The following MAN1C1 variants were observed in gnomAD, a reference collection of about 807,000 sequenced individuals.
The protein encoded by MAN1C1 is mannosyl-oligosaccharide 1,2-alpha-mannosidase IC.
MAN1C1 carries 49 observed loss-of-function variants against 71.5 expected under a neutral mutation model. That is an observed-to-expected ratio of 0.69 (90% confidence interval 0.54 to 0.87). The LOEUF is 0.87. MAN1C1 is among the 40% of genes least tolerant of loss of function. The pLI is 0.00. For missense variants in MAN1C1, 743 were observed against 835.0 expected, an observed-to-expected ratio of 0.89 and a Z score of 1.36; for synonymous variants, 352 against 343.7, an observed-to-expected ratio of 1.02 and a Z score of -0.27.
rs138504695 is a variant in MAN1C1 at position 25,635,053 on chromosome 1, A to G, written c.540+16716A>G. Among the ~76,000 whole-genome samples the G allele has an allele frequency of 2.9e-3, 439 of 151,804 alleles. 4 individuals are homozygous for G. The highest frequency in any genetic ancestry group is 0.01 in the African/African-American group (422 of 41,368). On this transcript the variant is annotated intron_variant, in intron 1 of 11. Transcript: ENST00000374332. ...CCCTTTGTTTTCTTTCTTTCCTGATACAGTGTCTCACTGTGTTGCCTAGGC... is the reference window on the plus strand; with the variant it reads ...CCCTTTGTTTTCTTTCTTTCCTGATGCAGTGTCTCACTGTGTTGCCTAGGC...
intron 1 of MAN1C1, among the ~76,000 whole-genome samples, chr1:25,652,585 C>T (rs946408855): frequency 2.0e-5 from 3 of 152,240 alleles, no homozygotes; most frequent in Admixed American, 1.3e-4. Flanking sequence ...GTCATCTTTT[C>T]CCCTGCCTTG....
intron 2 of MAN1C1, among the ~76,000 whole-genome samples, chr1:25,693,800 T>C (rs1376527829): frequency 6.6e-6 from 1 of 152,170 alleles, no homozygotes; most frequent in East Asian, 1.9e-4. Context: ...CTCTGCCACT[T>C]TGTAGTCTTG....
intron 1 of MAN1C1, among the ~76,000 whole-genome samples, chr1:25,633,062 T>C (rs2045407500): frequency 6.6e-6 from 1 of 152,078 alleles, no homozygotes; most frequent in Non-Finnish European, 1.5e-5. Flanking sequence ...GAGACGGGGT[T>C]TCACCATGTT....
chr1:25,707,463 A>G (rs890671843), intron 2 of MAN1C1, among the ~76,000 whole-genome samples: 2 of 152,348 alleles, frequency 1.3e-5, no homozygotes, highest in South Asian at 4.1e-4. Flanking sequence ...GGAGGAGAAA[A>G]TGCATTTGAG....
chr1:25,733,421 C>T (rs944212699), intron 2 of MAN1C1, among the ~76,000 whole-genome samples: 4 of 152,114 alleles, frequency 2.6e-5, no homozygotes, highest in Admixed American at 1.3e-4. Flanking sequence ...TGCACACAAC[C>T]TTTATCTTGG....
In MAN1C1 at chr1:25,617,125, G is replaced by T. The variant is rs1053590721; in HGVS notation, c.-673G>T. On this transcript the variant is annotated 5_prime_UTR_variant, in exon 1 of 12. Coordinates refer to ENST00000374332, the MANE Select transcript of MAN1C1 (RefSeq NM_020379.4). The surrounding 1 kb of genome is among the most constrained non-coding windows in gnomAD (Gnocchi z 5.1). ...CGGGGGAAGCCCCCTGCCCCCGCAG[G>T]CTCGGAAGTGCCTGCTCCTGCTCCC... Among the ~76,000 whole-genome samples, 2 of 151,690 alleles carry T rather than the reference G, an allele frequency of 1.3e-5. No homozygotes were observed. The highest frequency in any genetic ancestry group is 4.8e-5 in the African/African-American group (2 of 41,340).
intron 2 of MAN1C1, among the ~76,000 whole-genome samples, chr1:25,698,949 G>GAA (rs550083045): frequency 1.7e-4 from 20 of 117,340 alleles, no homozygotes; most frequent in South Asian, 5.8e-4. Flanking sequence ...CTCTGTCTTG[G>GAA]AAAAAAAAAA....
intron 1 of MAN1C1, among the ~76,000 whole-genome samples, chr1:25,663,082 C>A (rs2045873458): frequency 6.7e-6 from 1 of 148,464 alleles, no homozygotes; most frequent in African/African-American, 2.5e-5. Flanking sequence ...TAGAGTGAGA[C>A]TCCATCTCAA....
chr1:25,638,143 A>G (rs570186945), intron 1 of MAN1C1, among the ~76,000 whole-genome samples: 1 of 152,074 alleles, frequency 6.6e-6, no homozygotes. Context: ...GAATTAATCA[A>G]GTATTTCAGA....
chr1:25,701,863 C>A (rs1347300756), intron 2 of MAN1C1, among the ~76,000 whole-genome samples: 1 of 152,172 alleles, frequency 6.6e-6, no homozygotes, highest in Admixed American at 6.5e-5. Flanking sequence ...AGTTCAAGAC[C>A]AGCCTGGCCA....
At chr1:25,747,511 C>T (rs114456033) in intron 3 of MAN1C1, among the ~76,000 whole-genome samples, 251 of 152,294 alleles carry the variant, frequency 1.6e-3, no homozygotes, top group East Asian at 5.4e-3. Flanking sequence ...CGGGAGGGGC[C>T]GCATCCAAGC....
chr1:25,663,404 A>G (rs975902972), intron 1 of MAN1C1, among the ~76,000 whole-genome samples: 2 of 151,986 alleles, frequency 1.3e-5, no homozygotes, highest in African/African-American at 4.8e-5. Context: ...CCTTATATAT[A>G]CTATGTTCTT....
At chr1:25,733,159 C>T (rs2744770) in intron 2 of MAN1C1, among the ~76,000 whole-genome samples, 15,268 of 152,098 alleles carry the variant, frequency 0.1, 1,299 homozygotes, top group African/African-American at 0.23. Flanking sequence ...GCATCTCCAG[C>T]TGCCTTCACA....
chr1:25,702,096 AG>A (rs1340659750), intron 2 of MAN1C1, among the ~76,000 whole-genome samples: 2 of 152,166 alleles, frequency 1.3e-5, no homozygotes, highest in Non-Finnish European at 2.9e-5. Flanking sequence ...AAGCCAAATT[AG>A]TTAGTTACAT....
chr1:25,645,808 C>T (rs917469871), intron 1 of MAN1C1: 9 of 152,338 alleles, frequency 5.9e-5, no homozygotes, highest in African/African-American at 2.2e-4. Context: ...CTGCTGCCAC[C>T]AGAGCCGCCC....
chr1:25,706,550 G>A (rs2046526560), intron 2 of MAN1C1, among the ~76,000 whole-genome samples: 1 of 152,154 alleles, frequency 6.6e-6, no homozygotes, highest in South Asian at 2.1e-4. Flanking sequence ...GGCCATTCTA[G>A]GGAGAGTTGG....
At chr1:25,624,886 T>A (rs1218275958) in intron 1 of MAN1C1, among the ~76,000 whole-genome samples, 3 of 152,080 alleles carry the variant, frequency 2.0e-5, no homozygotes, top group South Asian at 4.1e-4. Context: ...ACTAAGACTG[T>A]TTGCTTCCCA....
At position 25,778,956 on chromosome 1, in the gene MAN1C1, G is replaced by C. The variant is rs535768760; in HGVS notation, c.1477+632G>C. Among the ~76,000 whole-genome samples, 15 of 152,196 alleles carry C rather than the reference G, an allele frequency of 9.9e-5. No individual in the cohort carries two copies. The East Asian group carries it at 2.9e-3, about 29-fold the overall frequency. On this transcript the variant is annotated intron_variant, in intron 9 of 11. Transcript: ENST00000374332. The surrounding 1 kb of genome is among the most constrained non-coding windows in gnomAD (Gnocchi z 5.5). Reference sequence around the variant, plus strand: ...TACACAGAGAAGTGGAGTCAGCCCAGAGAGGGGAAGTGACTTAGCCAAAGT... The same window carrying C: ...TACACAGAGAAGTGGAGTCAGCCCACAGAGGGGAAGTGACTTAGCCAAAGT...
At chr1:25,765,540 G>A (rs1294116996) in intron 7 of MAN1C1, among the ~76,000 whole-genome samples, 1 of 152,196 alleles carries the variant, frequency 6.6e-6, no homozygotes, top group Non-Finnish European at 1.5e-5. Context: ...GCTTAGGGGG[G>A]AATTCACTGT....
Sources: gnomAD v4.1 joint callset for allele counts (sites outside exome capture counted in the v4.1 genomes callset) on GRCh38, gnomAD v4.1.1 for gene constraint, Gnocchi (gnomAD v3.1) non-coding constraint, MANE v1.5 for transcripts, NCBI Gene and HGNC (gene_info 2026-07-23, HGNC 2026-07-21) for gene names.